The following THSD4 variants were observed in gnomAD, a reference collection of about 807,000 sequenced individuals.
THSD4 encodes the protein thrombospondin type 1 domain containing 4, also known as thrombospondin type-1 domain-containing protein 4.
In THSD4, 69 loss-of-function variants were observed where a neutral mutation model predicts 119.0. That is an observed-to-expected ratio of 0.58 (90% CI 0.48 to 0.71). The LOEUF (loss-of-function observed/expected upper bound fraction) is 0.71. THSD4 is among the 30% of genes least tolerant of loss of function. The pLI, the probability that THSD4 is intolerant of heterozygous loss-of-function variation, is 0.00. For synonymous variants in THSD4, 524 were observed against 540.4 expected (o/e 0.97, Z 0.42); for missense variants, 1,393 against 1,391.1 (o/e 1.00, Z -0.02).
rs979544378 is a variant in THSD4, at chr15:71,142,233, C to T, written c.29+677C>T. On this transcript the variant is annotated intron_variant, in intron 2 of 17. Transcript: ENST00000261862. ...AAATTCAATCTTTATATCAACCATG[C>T]GTGGCAAGTTGAGTAAGTACTATTA... Among the ~76,000 whole-genome samples the T allele has an allele frequency of 2.3e-4, 35 of 151,940 alleles. 1 individual carries two copies. Among genetic ancestry groups the T allele is most frequent in the Admixed American group, 1.0e-3 (16 of 15,282 alleles).
At chr15:71,753,956 A>G (rs1183247458) in intron 14 of THSD4, among the ~76,000 whole-genome samples, 2 of 152,102 alleles carry the variant, frequency 1.3e-5, no homozygotes, top group African/African-American at 2.4e-5. Context: ...TCCCAAATGT[A>G]TGTGCATTAC....
intron 8 of THSD4, among the ~76,000 whole-genome samples, chr15:71,673,072 C>G (rs1184504166): frequency 6.6e-6 from 1 of 152,300 alleles, no homozygotes; most frequent in East Asian, 1.9e-4. Flanking sequence ...GGTACCAGCT[C>G]CTCTTTGTAC....
intron 8 of THSD4, among the ~76,000 whole-genome samples, chr15:71,675,021 G>T (rs2051611568): frequency 6.6e-6 from 1 of 152,116 alleles, no homozygotes; most frequent in South Asian, 2.1e-4. Flanking sequence ...ACCGTTTTAT[G>T]TACCATTAAG....
chr15:71,341,500 C>A (rs147293465), intron 6 of THSD4: 7 of 1,612,716 alleles, frequency 4.3e-6, no homozygotes, highest in Non-Finnish European at 5.9e-6. Flanking sequence ...GCTTGGCCTG[C>A]GCACACCTGC....
intron 6 of THSD4, among the ~76,000 whole-genome samples, chr15:71,393,818 G>T (rs965819912): frequency 1.3e-5 from 2 of 152,132 alleles, no homozygotes; most frequent in African/African-American, 4.8e-5. Flanking sequence ...GGGCCTTCCG[G>T]AGCCTCCTAT....
intron 7 of THSD4, among the ~76,000 whole-genome samples, chr15:71,642,313 A>G (rs1221456929): frequency 6.6e-6 from 1 of 152,190 alleles, no homozygotes; most frequent in Non-Finnish European, 1.5e-5. Flanking sequence ...GGTGCTGGAG[A>G]GGATGCAGAG....
intron 11 of THSD4, among the ~76,000 whole-genome samples, chr15:71,743,474 C>G (rs1452785837): frequency 6.6e-6 from 1 of 152,212 alleles, no homozygotes; most frequent in East Asian, 1.9e-4. Flanking sequence ...ACCTTTATAA[C>G]TGCACAGTGT....
At chr15:71,739,992 T>C (rs2053204944) in intron 11 of THSD4, among the ~76,000 whole-genome samples, 1 of 152,204 alleles carries the variant, frequency 6.6e-6, no homozygotes, top group Non-Finnish European at 1.5e-5. Context: ...CTTTTGAGAA[T>C]AGAATTTAGG....
intron 6 of THSD4, among the ~76,000 whole-genome samples, chr15:71,294,713 C>A (rs1315205597): frequency 6.6e-6 from 1 of 152,020 alleles, no homozygotes; most frequent in Admixed American, 6.6e-5. Context: ...ATCCAAGGCC[C>A]AAACGATTAC....
At position 71,243,948 on chromosome 15, in the gene THSD4, C is replaced by T. The variant is rs115947256; in HGVS notation, c.912+852C>T. Among the ~76,000 whole-genome samples the T allele has an allele frequency of 9.1e-3, 1,379 of 151,988 alleles. 28 individuals carry two copies. The highest frequency in any genetic ancestry group is 0.032 in the African/African-American group (1,335 of 41,430). ...TACAGGTGCGCACCACTATACCCAG[C>T]TAATTTTTCTGTTTTTTTAGTAGAG... is the stretch of plus-strand genomic sequence containing the variant. On this transcript the variant is annotated intron_variant, in intron 5 of 17. Transcript: ENST00000261862.
chr15:71,330,462 A>G lies in THSD4; in HGVS notation c.1015+73747A>G, dbSNP rs370135872. ...GCTCTCAAATTACACTAACTCTGCT[A>G]AAATCCAGGCCAGGATTGTGATTCG... On this transcript the variant is annotated intron_variant, in intron 6 of 17. Transcript: ENST00000261862. 1.3e-3 allele frequency among the ~76,000 whole-genome samples: 196 copies of G among 152,334 alleles called. 12 individuals carry two copies. In the South Asian group the frequency reaches 0.04, roughly 31 times the overall value.
intron 7 of THSD4, among the ~76,000 whole-genome samples, chr15:71,625,773 G>A (rs1457475516): frequency 1.3e-5 from 2 of 152,188 alleles, no homozygotes; most frequent in African/African-American, 2.4e-5. Flanking sequence ...GGAAAATTTA[G>A]TCTGCTCAGG....
chr15:71,638,817 A>G (rs2050799947), intron 7 of THSD4, among the ~76,000 whole-genome samples: 1 of 152,198 alleles, frequency 6.6e-6, no homozygotes, highest in Non-Finnish European at 1.5e-5. Flanking sequence ...AGTGACAACT[A>G]CTGTAATGAC....
chr15:71,271,051 G>A (rs1259629069), intron 6 of THSD4, among the ~76,000 whole-genome samples: 1 of 152,026 alleles, frequency 6.6e-6, no homozygotes, highest in Non-Finnish European at 1.5e-5. Flanking sequence ...TCTTCCTGTA[G>A]AATGTGTATT....
chr15:71,504,029 G>A (rs2048153363), intron 7 of THSD4, among the ~76,000 whole-genome samples: 1 of 152,190 alleles, frequency 6.6e-6, no homozygotes, highest in African/African-American at 2.4e-5. Context: ...TTTTAGGGGA[G>A]CATAGCATGG....
intron 7 of THSD4, among the ~76,000 whole-genome samples, chr15:71,570,959 G>T (rs1408239327): frequency 6.6e-6 from 1 of 152,182 alleles, no homozygotes; most frequent in Admixed American, 6.5e-5. Flanking sequence ...AGACGTGGCT[G>T]CGCCTCTGTG....
At chr15:71,357,310 T>C (rs1399896799) in intron 6 of THSD4, among the ~76,000 whole-genome samples, 1 of 152,174 alleles carries the variant, frequency 6.6e-6, no homozygotes, top group African/African-American at 2.4e-5. Flanking sequence ...AGGGTGTCAT[T>C]CCCTGCTCTA....
At chr15:71,530,804 G>GA (rs5813642) in intron 7 of THSD4, among the ~76,000 whole-genome samples, 42,399 of 149,760 alleles carry the variant, frequency 0.28, 6,663 homozygotes, top group East Asian at 0.63. Context: ...CCAAGCCCCC[G>GA]AAAAAAAAAA....
At chr15:71,189,287 G>C (rs760721387) in intron 3 of THSD4, among the ~76,000 whole-genome samples, 7 of 152,184 alleles carry the variant, frequency 4.6e-5, no homozygotes, top group Admixed American at 1.3e-4. Context: ...TAATGCTGTT[G>C]AGGAAATGAA....
Sources: gnomAD v4.1 joint callset for allele counts (sites outside exome capture counted in the v4.1 genomes callset) on GRCh38, gnomAD v4.1.1 for gene constraint, MANE v1.5 for transcripts, NCBI Gene and HGNC (gene_info 2026-07-23, HGNC 2026-07-21) for gene names.